The following MYO5B variants were observed in gnomAD, a reference collection of about 807,000 sequenced individuals.
The protein encoded by MYO5B is unconventional myosin-Vb.
MYO5B carries 143 observed loss-of-function variants against 229.3 expected under a neutral mutation model. That is an observed-to-expected ratio of 0.62 (90% CI 0.54 to 0.72). The LOEUF (loss-of-function observed/expected upper bound fraction) is 0.72. MYO5B is among the 30% of genes least tolerant of loss of function. MYO5B has a pLI of 0.00. For synonymous variants in MYO5B, 918 were observed against 885.2 expected, an observed-to-expected ratio of 1.04 and a Z score of -0.66; for missense variants, 2,321 against 2,331.0, an observed-to-expected ratio of 1.00 and a Z score of 0.09.
At chr18:50,078,844 T>A (rs535804672) in intron 1 of MYO5B, among the ~76,000 whole-genome samples, 1 of 152,054 alleles carries the variant, frequency 6.6e-6, no homozygotes, top group East Asian at 1.9e-4. Flanking sequence ...AAAAACCCAA[T>A]GTTCATTAAC....
At chr18:49,968,158 G>A (rs1302546071) in intron 10 of MYO5B, among the ~76,000 whole-genome samples, 1 of 152,140 alleles carries the variant, frequency 6.6e-6, no homozygotes, top group Admixed American at 6.5e-5. Flanking sequence ...GCCTCCCCAA[G>A]GAATAGAAAT....
At chr18:49,839,562 G>T (rs1339978006) in intron 35 of MYO5B, among the ~76,000 whole-genome samples, 2 of 152,220 alleles carry the variant, frequency 1.3e-5, no homozygotes, top group Non-Finnish European at 2.9e-5. Context: ...TTTCCCTACG[G>T]TAGCAAAACC....
chr18:50,194,993 G>A lies in MYO5B; in HGVS notation c.-200C>T, dbSNP rs1233957161. The A allele has an allele frequency of 1.5e-6, 1 of 688,870 alleles. No homozygotes were observed. Among genetic ancestry groups the A allele is most frequent in the Non-Finnish European group, 2.0e-6 (1 of 502,262 alleles). The allele number at this position is 688,870 out of a possible 1,614,324, so 42.7% of individuals were successfully genotyped here. A position where few individuals can be genotyped will look rare whatever the true frequency, so the allele number is the denominator to read the frequency against. ...GCGGCGCGACCTTTACTCCCGCCGC[G>A]GCGGCGCAGCTACGGCCGGACAGGA... On this transcript the variant is annotated 5_prime_UTR_variant, in exon 1 of 40. Transcript: ENST00000285039.
In MYO5B at chr18:49,974,490, C is replaced by A. The variant is rs753803083; in HGVS notation, c.1182G>T (p.Leu394=). 2 of 1,614,172 alleles carry A rather than the reference C, an allele frequency of 1.2e-6. No individual in the cohort carries two copies. The highest frequency in any genetic ancestry group is 2.2e-5 in the South Asian group (2 of 91,076). The part of the protein sequence containing the change: ...TSETYVKTMS[L]QQVINARNAL... ...CGTTGCGCGCATTGATCACCTGCTG[C>A]AGGGACATGGTCTTGACGTAGGTCT... The change falls in exon 10 of 40, where the codon CTG becomes CTT. Residue 394 remains leucine (L), a synonymous_variant. Coordinates refer to ENST00000285039, the MANE Select transcript of MYO5B (RefSeq NM_001080467.3).
rs775981130 is a variant in MYO5B, at chr18:49,875,764, G to A, written c.3460C>T (p.Arg1154Trp). The A allele has an allele frequency of 1.1e-5, 17 of 1,613,912 alleles. No homozygotes were observed. The highest frequency in any genetic ancestry group is 1.6e-4 in the Middle Eastern group (1 of 6,084). ...TTTTTCCTCTCCTGCTCCAGCTCCC[G>A]TACTCTCTTCTGCAGCTTCAGGAAG... ...TVFLKLQKRV[R>W]ELEQERKKLQ... Residue 1154 changes from arginine (R) to tryptophan (W), a missense_variant, in exon 26 of 40, where the codon CGG becomes TGG. Transcript: ENST00000285039.
At chr18:50,047,163 T>C (rs1416316258) in intron 2 of MYO5B, among the ~76,000 whole-genome samples, 1 of 152,058 alleles carries the variant, frequency 6.6e-6, no homozygotes, top group Non-Finnish European at 1.5e-5. Context: ...ACCTACAGAA[T>C]GGGAGAAAAT....
At chr18:49,893,967 A>G (rs968379028) in intron 22 of MYO5B, among the ~76,000 whole-genome samples, 3 of 152,198 alleles carry the variant, frequency 2.0e-5, no homozygotes, top group African/African-American at 7.2e-5. Flanking sequence ...GCAAGTCTAG[A>G]AGGGGCCTTG....
At chr18:49,851,295 C>T (rs867291912) in intron 31 of MYO5B, among the ~76,000 whole-genome samples, 6 of 152,140 alleles carry the variant, frequency 3.9e-5, no homozygotes, top group South Asian at 2.1e-4. Flanking sequence ...ATGTCACTAA[C>T]GGTGGCTTTG....
At chr18:50,073,901 T>C (rs372880327) in intron 1 of MYO5B, among the ~76,000 whole-genome samples, 49 of 152,278 alleles carry the variant, frequency 3.2e-4, no homozygotes, top group African/African-American at 1.2e-3. Context: ...TTCACTCTAC[T>C]ACCAACAGGT....
At chr18:49,967,001 T>C (rs987996692) in intron 10 of MYO5B, among the ~76,000 whole-genome samples, 1 of 152,200 alleles carries the variant, frequency 6.6e-6, no homozygotes, top group African/African-American at 2.4e-5. Context: ...CAATTTATAG[T>C]TCACAACATT....
At chr18:50,074,489 T>C (rs1159582675) in intron 1 of MYO5B, among the ~76,000 whole-genome samples, 2 of 152,204 alleles carry the variant, frequency 1.3e-5, no homozygotes, top group Non-Finnish European at 2.9e-5. Flanking sequence ...TCTTGAATCC[T>C]GCATGTCCTC....
chr18:49,854,808 G>A (rs1055984954), intron 30 of MYO5B, among the ~76,000 whole-genome samples: 15 of 152,080 alleles, frequency 9.9e-5, no homozygotes, highest in Admixed American at 5.2e-4. Context: ...AAGACAGGTG[G>A]GACCATGTCT....
At position 49,863,262 on chromosome 18, in the gene MYO5B, G is replaced by A. The variant is rs2024353575; in HGVS notation, c.3909C>T (p.Ala1303=). 6.2e-7 allele frequency: 1 copy of A among 1,613,416 alleles called. No individual in the cohort carries two copies. Among genetic ancestry groups the A allele is most frequent in the Non-Finnish European group, 8.5e-7 (1 of 1,180,004 alleles). ...NSEKHVDQED[A]IEAYHGVCQT... is the part of the protein sequence containing the mutation. The stretch of plus-strand genomic sequence containing the variant: ...GGCAGACCCCGTGATAGGCCTCAAT[G>A]GCATCCTCCTGGTCAACATGCTTTT... Residue 1303 remains alanine (A), a synonymous_variant, in exon 29 of 40, where the codon GCC becomes GCT. Coordinates refer to ENST00000285039, the MANE Select transcript of MYO5B (RefSeq NM_001080467.3).
intron 2 of MYO5B, among the ~76,000 whole-genome samples, chr18:50,041,768 A>C (rs1385961447): frequency 6.6e-6 from 1 of 152,332 alleles, no homozygotes; most frequent in East Asian, 1.9e-4. Context: ...GTAGGAAAAT[A>C]TTTATAAATT....
At chr18:49,967,880 A>C (rs1201927835) in intron 10 of MYO5B, among the ~76,000 whole-genome samples, 1 of 152,128 alleles carries the variant, frequency 6.6e-6, no homozygotes, top group Non-Finnish European at 1.5e-5. Flanking sequence ...TAGACAGAAC[A>C]CAATCCCAGG....
intron 12 of MYO5B, 140 bp downstream of exon 12, chr18:49,962,126 G>T: frequency 9.3e-7 from 1 of 1,071,066 alleles, no homozygotes; most frequent in Non-Finnish European, 1.4e-6. Context: ...CATGCTTCTA[G>T]TATGCAGCCT....
At chr18:49,936,050 C>T (rs2025245907) in intron 16 of MYO5B, among the ~76,000 whole-genome samples, 1 of 152,228 alleles carries the variant, frequency 6.6e-6, no homozygotes, top group Non-Finnish European at 1.5e-5. Flanking sequence ...CATTTTTTCT[C>T]TTAAGACCTC....
chr18:50,146,173 G>A (rs1330539609), intron 1 of MYO5B, among the ~76,000 whole-genome samples: 1 of 152,192 alleles, frequency 6.6e-6, no homozygotes, highest in African/African-American at 2.4e-5. Flanking sequence ...CAGGTTGATG[G>A]GCCAGGGGTC....
intron 1 of MYO5B, among the ~76,000 whole-genome samples, chr18:50,081,639 G>C (rs900586278): frequency 6.6e-6 from 1 of 152,164 alleles, no homozygotes; most frequent in African/African-American, 2.4e-5. Flanking sequence ...AAATAAATCA[G>C]GTGTCCTGGG....
Sources: allele counts gnomAD v4.1 joint callset (sites outside exome capture counted in the v4.1 genomes callset), GRCh38; gene constraint gnomAD v4.1.1; transcripts MANE v1.5; gene names NCBI Gene and HGNC (gene_info 2026-07-23, HGNC 2026-07-21).